Variants in RABGAP1L observed in about 807,000 individuals in gnomAD.
RABGAP1L encodes rab GTPase-activating protein 1-like.
Under a neutral mutation model 137.7 loss-of-function variants are expected in RABGAP1L, and 63 were observed. The ratio of observed to expected loss-of-function variants is 0.46; its 90% CI spans 0.37 to 0.56. RABGAP1L has a LOEUF of 0.56. Among genes scored for constraint, RABGAP1L ranks in the 20% least tolerant of loss-of-function variants. The pLI is 0.00. For missense variants in RABGAP1L, 1,095 were observed against 1,244.0 expected (o/e 0.88, Z 1.80); for synonymous variants, 431 against 433.7 (o/e 0.99, Z 0.08).
chr1:174,402,243 A>G (rs1648687743), intron 13 of RABGAP1L, among the ~76,000 whole-genome samples: 1 of 152,158 alleles, frequency 6.6e-6, no homozygotes, highest in South Asian at 2.1e-4. Context: ...CGTGAACTCA[A>G]AAACCCAAAA....
intron 13 of RABGAP1L, among the ~76,000 whole-genome samples, chr1:174,428,620 A>T (rs1652235774): frequency 6.6e-6 from 1 of 152,094 alleles, no homozygotes; most frequent in Non-Finnish European, 1.5e-5. Flanking sequence ...TTATTAAGAG[A>T]TATTTTTTAA....
At chr1:174,429,726 C>G (rs1652372777) in intron 13 of RABGAP1L, among the ~76,000 whole-genome samples, 1 of 145,758 alleles carries the variant, frequency 6.9e-6, no homozygotes, top group Non-Finnish European at 1.5e-5. Context: ...GTGACAAGAG[C>G]AAGACTCCAT....
At chr1:174,208,962 G>T (rs1668683736) in intron 1 of RABGAP1L, among the ~76,000 whole-genome samples, 1 of 152,132 alleles carries the variant, frequency 6.6e-6, no homozygotes, top group Non-Finnish European at 1.5e-5. Flanking sequence ...AACCTTTTTG[G>T]CACAGGGGAC....
At chr1:174,722,869 AT>A (rs1681684436) in intron 17 of RABGAP1L, among the ~76,000 whole-genome samples, 1 of 152,094 alleles carries the variant, frequency 6.6e-6, no homozygotes, top group African/African-American at 2.4e-5. Flanking sequence ...AACTTCAGGT[AT>A]TTGCCCGAGG....
At chr1:174,475,070 T>G (rs1377171894) in intron 13 of RABGAP1L, among the ~76,000 whole-genome samples, 1 of 152,140 alleles carries the variant, frequency 6.6e-6, no homozygotes, top group Non-Finnish European at 1.5e-5. Flanking sequence ...AATATTTAAA[T>G]GATAGCTGAT....
chr1:174,327,481 G>A (rs1357624106), intron 11 of RABGAP1L, among the ~76,000 whole-genome samples: 3 of 151,700 alleles, frequency 2.0e-5, no homozygotes, highest in Admixed American at 6.6e-5. Flanking sequence ...TAACTACAAA[G>A]CAAAACCTTT....
Position 174,637,469 on chromosome 1 carries a change from C to T in RABGAP1L, c.1805C>T (p.Ser602Leu), listed in dbSNP as rs1228195699. The T allele has an allele frequency of 5.0e-6, 8 of 1,605,944 alleles. No individual in the cohort carries two copies. Among genetic ancestry groups the T allele is most frequent in the South Asian group, 3.3e-5 (3 of 90,910 alleles). The change falls in exon 14 of 26, where the codon TCG becomes TTG. Residue 602 changes from serine to leucine, a missense_variant. Ser to Leu is a moderately radical substitution (Grantham distance 145). Around this residue, in one of 4 missense-constraint regions of RABGAP1L, gnomAD observed 315 missense variants for 324.8 expected, o/e 0.97. Transcript: ENST00000681986. The stretch of plus-strand genomic sequence containing the variant: ...GATACTGGAGGAGATGGTCAAGAAT[C>T]GCTCTATAAGATCTGCAAGGTAGGA... ...FKDTGGDGQE[S>L]LYKICKAYSV...
At chr1:174,254,774 T>G (rs762902666) in intron 7 of RABGAP1L, among the ~76,000 whole-genome samples, 48 of 152,198 alleles carry the variant, frequency 3.2e-4, no homozygotes, top group Non-Finnish European at 6.3e-4. Context: ...TCTTTGCTAT[T>G]GTGAATAGTG....
At chr1:174,612,650 C>T (rs938342995) in intron 13 of RABGAP1L, among the ~76,000 whole-genome samples, 1 of 152,132 alleles carries the variant, frequency 6.6e-6, no homozygotes, top group Non-Finnish European at 1.5e-5. Flanking sequence ...ACTCCTTGTA[C>T]CTCTGGTAGA....
intron 19 of RABGAP1L, among the ~76,000 whole-genome samples, chr1:174,839,888 A>G (rs1483443973): frequency 2.0e-5 from 3 of 152,250 alleles, no homozygotes; most frequent in Non-Finnish European, 4.4e-5. Flanking sequence ...AGAGAGAGAT[A>G]CAAGTTAGAG....
intron 13 of RABGAP1L, among the ~76,000 whole-genome samples, chr1:174,558,295 G>A (rs1378426209): frequency 1.3e-5 from 2 of 152,194 alleles, no homozygotes; most frequent in African/African-American, 4.8e-5. Flanking sequence ...TTCTGTAAAA[G>A]CCATGATGTT....
At chr1:174,619,528 C>G (rs1237488187) in intron 13 of RABGAP1L, among the ~76,000 whole-genome samples, 1 of 152,182 alleles carries the variant, frequency 6.6e-6, no homozygotes, top group Non-Finnish European at 1.5e-5. Context: ...AATTTCATAT[C>G]CAGCCAAACT....
At chr1:174,736,680 G>T (rs185036106) in intron 17 of RABGAP1L, among the ~76,000 whole-genome samples, 4 of 152,372 alleles carry the variant, frequency 2.6e-5, no homozygotes, top group South Asian at 2.1e-4. Flanking sequence ...TTCTGCCTGG[G>T]CACTGAGGCT....
At chr1:174,758,457 C>A (rs1452720031) in intron 18 of RABGAP1L, among the ~76,000 whole-genome samples, 1 of 151,928 alleles carries the variant, frequency 6.6e-6, no homozygotes, top group Non-Finnish European at 1.5e-5. Flanking sequence ...CCCACCCTTT[C>A]CCCTTCTGAG....
chr1:174,913,029 G>A (rs1156288495), intron 19 of RABGAP1L, among the ~76,000 whole-genome samples: 1 of 151,284 alleles, frequency 6.6e-6, no homozygotes, highest in Non-Finnish European at 1.5e-5. Context: ...AGGTTAGAGT[G>A]CAATGGCACA....
chr1:174,174,828 C>G (rs998066115), intron 1 of RABGAP1L, among the ~76,000 whole-genome samples: 1 of 152,124 alleles, frequency 6.6e-6, no homozygotes. Context: ...TGGTGCCTGC[C>G]CACACTGGGT....
chr1:174,534,793 A>AT (rs1416319083), intron 13 of RABGAP1L, among the ~76,000 whole-genome samples: 1 of 150,678 alleles, frequency 6.6e-6, no homozygotes, highest in Non-Finnish European at 1.5e-5. Flanking sequence ...AAAAAAAAAA[A>AT]AAAAAAAAAA....
At chr1:174,409,384 T>C (rs528676538) in intron 13 of RABGAP1L, among the ~76,000 whole-genome samples, 10 of 152,204 alleles carry the variant, frequency 6.6e-5, no homozygotes, top group Non-Finnish European at 1.3e-4. Flanking sequence ...AATCCTGTTA[T>C]CTTCGTAAGC....
intron 13 of RABGAP1L, among the ~76,000 whole-genome samples, chr1:174,420,461 A>G (rs1415581392): frequency 1.3e-5 from 2 of 152,180 alleles, no homozygotes; most frequent in African/African-American, 4.8e-5. Flanking sequence ...CATACAATTT[A>G]CTAATCTAGA....
Sources: allele counts gnomAD v4.1 joint callset (sites outside exome capture counted in the v4.1 genomes callset), GRCh38; gene constraint gnomAD v4.1.1; regional missense constraint gnomAD v4.1.1; transcripts MANE v1.5; gene names NCBI Gene and HGNC (gene_info 2026-07-23, HGNC 2026-07-21).